MACROD2: variants seen among roughly 807,000 people sequenced by gnomAD.
The protein encoded by MACROD2 is mono-ADP ribosylhydrolase 2, also known as ADP-ribose glycohydrolase MACROD2.
Under a neutral mutation model 70.4 loss-of-function variants are expected in MACROD2, and 36 were observed. The ratio of observed to expected loss-of-function variants is 0.51; its 90% confidence interval spans 0.39 to 0.68. The LOEUF is 0.68. Among genes scored for constraint, MACROD2 ranks in the 30% least tolerant of loss-of-function variants. MACROD2 has a pLI of 0.00. For synonymous variants in MACROD2, 172 were observed against 178.8 expected (o/e 0.96, Z 0.30); for missense variants, 496 against 538.4 (o/e 0.92, Z 0.78).
chr20:14,366,746 A>G (rs1452686498), intron 3 of MACROD2, among the ~76,000 whole-genome samples: 2 of 152,196 alleles, frequency 1.3e-5, no homozygotes, highest in African/African-American at 2.4e-5. Flanking sequence ...TACATGGAGT[A>G]TCTTTTCTCA....
chr20:15,373,162 A>G lies in MACROD2; in HGVS notation c.541-58243A>G, dbSNP rs558231994. 1.1e-4 allele frequency among the ~76,000 whole-genome samples: 17 copies of G among 152,288 alleles called. No individual in the cohort carries two copies. In the South Asian group the frequency reaches 3.3e-3, roughly 30 times the overall value. On this transcript the variant is annotated intron_variant, in intron 6 of 17. Transcript: ENST00000684519. ...TATACCTACTTAGGCTATCAACCTCACCTGGCCAGAATTCTGTGATAGGCC... is the reference window on the plus strand; with the variant it reads ...TATACCTACTTAGGCTATCAACCTCGCCTGGCCAGAATTCTGTGATAGGCC...
At chr20:14,437,773 A>AT (rs1568611582) in intron 3 of MACROD2, among the ~76,000 whole-genome samples, 1 of 152,148 alleles carries the variant, frequency 6.6e-6, no homozygotes, top group Non-Finnish European at 1.5e-5. Flanking sequence ...CTCAAAATAC[A>AT]TTTTCAGTAA....
At chr20:14,560,565 A>G (rs1322431331) in intron 4 of MACROD2, among the ~76,000 whole-genome samples, 1 of 151,910 alleles carries the variant, frequency 6.6e-6, no homozygotes, top group Admixed American at 6.6e-5. Context: ...AATGATTATT[A>G]CTCAGCTTTA....
chr20:14,749,566 T>C (rs1310204967), intron 5 of MACROD2, among the ~76,000 whole-genome samples: 1 of 152,086 alleles, frequency 6.6e-6, no homozygotes, highest in Non-Finnish European at 1.5e-5. Flanking sequence ...ACCCCCAAAA[T>C]ATAATATGTG....
chr20:15,711,202 T>C (rs997560900), intron 8 of MACROD2, among the ~76,000 whole-genome samples: 1 of 152,178 alleles, frequency 6.6e-6, no homozygotes, highest in African/African-American at 2.4e-5. Flanking sequence ...GAATTAAGGC[T>C]TATTTTCTCA....
Position 14,427,349 on chromosome 20 carries a change from T to A in MACROD2, c.272-66130T>A, listed in dbSNP as rs531297930. Among the ~76,000 whole-genome samples, 208 of 152,028 alleles carry A rather than the reference T, an allele frequency of 1.4e-3. 1 individual carries two copies. The highest frequency in any genetic ancestry group is 4.5e-3 in the African/African-American group (186 of 41,482). On this transcript the variant is annotated intron_variant, in intron 3 of 17. Coordinates refer to ENST00000684519, the MANE Select transcript of MACROD2 (RefSeq NM_001351661.2). ...CCAGTTAGGTACTTTCGCCTTCTAG[T>A]TTGTCTACAGCTTCTCTGGAAGCTC...
At chr20:15,489,721 G>A (rs2047203979) in intron 7 of MACROD2, among the ~76,000 whole-genome samples, 1 of 152,170 alleles carries the variant, frequency 6.6e-6, no homozygotes, top group Non-Finnish European at 1.5e-5. Context: ...TTCAAACCGT[G>A]TAACATCCAG....
intron 3 of MACROD2, chr20:14,325,700 G>T: frequency 1.2e-6 from 2 of 1,613,884 alleles, no homozygotes; most frequent in Admixed American, 3.3e-5. Flanking sequence ...TTCGAGATGG[G>T]TTCATTGCTT....
At chr20:14,503,917 A>T (rs547562024) in intron 4 of MACROD2, among the ~76,000 whole-genome samples, 7 of 152,354 alleles carry the variant, frequency 4.6e-5, no homozygotes, top group Admixed American at 2.0e-4. Context: ...ACAAGGAATA[A>T]TTCTACATCT....
intron 6 of MACROD2, among the ~76,000 whole-genome samples, chr20:15,341,789 G>A (rs766542953): frequency 1.3e-5 from 2 of 152,180 alleles, no homozygotes; most frequent in Admixed American, 1.3e-4. Flanking sequence ...GGTGGCTCAT[G>A]CCTGTAATCC....
chr20:15,832,138 GATGTCAGTGGCCAAATAAT>G (rs1174463519), intron 8 of MACROD2, among the ~76,000 whole-genome samples: 2 of 152,186 alleles, frequency 1.3e-5, no homozygotes, highest in African/African-American at 4.8e-5. Flanking sequence ...TGAGAATATG[GATGTCAGTGGCCAAATAAT>G]ATGTTGCATT....
At chr20:15,455,897 A>C (rs956101363) in intron 7 of MACROD2, among the ~76,000 whole-genome samples, 3 of 152,084 alleles carry the variant, frequency 2.0e-5, no homozygotes, top group African/African-American at 7.2e-5. Flanking sequence ...GGCTCTCTTC[A>C]TAAATCTGTA....
At chr20:15,120,261 A>AGTGT (rs34652299) in intron 5 of MACROD2, among the ~76,000 whole-genome samples, 43 of 116,238 alleles carry the variant, frequency 3.7e-4, no homozygotes, top group Admixed American at 1.0e-3. Context: ...TTTAAGGGGG[A>AGTGT]GTGTGTGTGT....
chr20:15,757,424 C>G (rs894968451), intron 8 of MACROD2, among the ~76,000 whole-genome samples: 1 of 151,852 alleles, frequency 6.6e-6, no homozygotes, highest in Non-Finnish European at 1.5e-5. Context: ...GGATTATTAG[C>G]CAGGATGCTG....
intron 4 of MACROD2, among the ~76,000 whole-genome samples, chr20:14,498,397 C>A (rs2084879730): frequency 6.6e-6 from 1 of 152,230 alleles, no homozygotes; most frequent in African/African-American, 2.4e-5. Context: ...TAAACACAAG[C>A]ACACATATGT....
intron 4 of MACROD2, among the ~76,000 whole-genome samples, chr20:14,581,816 A>G (rs1474427350): frequency 6.6e-6 from 1 of 152,120 alleles, no homozygotes; most frequent in East Asian, 1.9e-4. Flanking sequence ...TCTTCCTCGG[A>G]GGTGTGTTGG....
At chr20:15,671,405 G>T (rs1326403124) in intron 8 of MACROD2, among the ~76,000 whole-genome samples, 2 of 152,144 alleles carry the variant, frequency 1.3e-5, no homozygotes, top group Non-Finnish European at 2.9e-5. Context: ...GCAAAGATAA[G>T]AATGTAAGGG....
intron 6 of MACROD2, among the ~76,000 whole-genome samples, chr20:15,424,607 C>T (rs181726788): frequency 3.3e-5 from 5 of 152,142 alleles, no homozygotes; most frequent in Admixed American, 3.3e-4. Flanking sequence ...GTAGTCCCAG[C>T]TACTTAGGAG....
At chr20:14,554,879 T>C (rs1281560289) in intron 4 of MACROD2, among the ~76,000 whole-genome samples, 2 of 152,120 alleles carry the variant, frequency 1.3e-5, no homozygotes, top group Non-Finnish European at 2.9e-5. Flanking sequence ...GTTTAAATTT[T>C]TATATTTACT....
Sources: gnomAD v4.1 joint callset for allele counts (sites outside exome capture counted in the v4.1 genomes callset) on GRCh38, gnomAD v4.1.1 for gene constraint, MANE v1.5 for transcripts, NCBI Gene and HGNC (gene_info 2026-07-23, HGNC 2026-07-21) for gene names.